The following RBFOX1 variants were observed in gnomAD, a reference collection of about 807,000 sequenced individuals.
RBFOX1 encodes RNA binding fox-1 homolog 1.
In RBFOX1, 8 loss-of-function variants were observed where a neutral mutation model predicts 57.7. The observed-to-expected ratio is 0.14, with a 90% CI of 0.08 to 0.25. RBFOX1 has a LOEUF of 0.25. Among genes scored for constraint, RBFOX1 ranks in the 10% least tolerant of loss-of-function variants. The pLI, the probability that RBFOX1 is intolerant of heterozygous loss-of-function variation, is 1.00. For missense variants in RBFOX1, 611 were observed against 548.5 expected, an observed-to-expected ratio of 1.11 and a Z score of -1.14; for synonymous variants, 326 against 222.4, an observed-to-expected ratio of 1.47 and a Z score of -4.15.
At chr16:7,540,615 C>T (rs17144027) in intron 5 of RBFOX1, among the ~76,000 whole-genome samples, 19,138 of 152,188 alleles carry the variant, frequency 0.13, 1,274 homozygotes, top group African/African-American at 0.18. Flanking sequence ...TGGTTGTTGT[C>T]ATGGACATAA....
chr16:6,201,193 TC>T (rs2097212849), intron 1 of RBFOX1, among the ~76,000 whole-genome samples: 1 of 152,192 alleles, frequency 6.6e-6, no homozygotes, highest in Admixed American at 6.5e-5. Flanking sequence ...ACAGTGGCTT[TC>T]TTCATTCCTC....
intron 1 of RBFOX1, among the ~76,000 whole-genome samples, chr16:6,291,796 C>A (rs1325183417): frequency 6.6e-6 from 1 of 152,200 alleles, no homozygotes; most frequent in African/African-American, 2.4e-5. Flanking sequence ...CCTTGAAAAT[C>A]ATCTTCTTAG....
At chr16:7,017,320 C>A (rs114064947) in intron 3 of RBFOX1, among the ~76,000 whole-genome samples, 1 of 152,102 alleles carries the variant, frequency 6.6e-6, no homozygotes, top group South Asian at 2.1e-4. Flanking sequence ...TACTATAGAT[C>A]CAGCACCTTT....
intron 1 of RBFOX1, among the ~76,000 whole-genome samples, chr16:5,433,941 G>A (rs551196603): frequency 2.0e-4 from 31 of 152,218 alleles, no homozygotes; most frequent in Admixed American, 1.0e-3. Flanking sequence ...CTGTTTCTCA[G>A]TCCAGGCTGC....
chr16:7,024,714 T>G (rs888166812), intron 3 of RBFOX1, among the ~76,000 whole-genome samples: 1 of 152,186 alleles, frequency 6.6e-6, no homozygotes, highest in Non-Finnish European at 1.5e-5. Context: ...TCCTCAGCAC[T>G]CTGTCCTGCT....
intron 4 of RBFOX1, among the ~76,000 whole-genome samples, chr16:7,448,530 T>TG (rs2098825999): frequency 6.6e-6 from 1 of 152,190 alleles, no homozygotes. Flanking sequence ...GAGAACAGCA[T>TG]GGGGAAGACC....
At chr16:6,101,782 T>C (rs1205296364) in intron 1 of RBFOX1, among the ~76,000 whole-genome samples, 1 of 152,296 alleles carries the variant, frequency 6.6e-6, no homozygotes, top group East Asian at 1.9e-4. Context: ...ATTTTTATTG[T>C]CCTGGAACAC....
At chr16:7,602,747 T>C (rs1266206521) in intron 9 of RBFOX1, among the ~76,000 whole-genome samples, 1 of 152,150 alleles carries the variant, frequency 6.6e-6, no homozygotes, top group Non-Finnish European at 1.5e-5. Flanking sequence ...ATAACAGACA[T>C]TTACAGAATA....
chr16:6,476,131 G>A (rs535945344), intron 2 of RBFOX1, among the ~76,000 whole-genome samples: 4 of 152,174 alleles, frequency 2.6e-5, no homozygotes, highest in African/African-American at 4.8e-5. Context: ...GGCCAGGGAC[G>A]CCACCCTTTT....
chr16:6,887,183 G>T (rs1181330102), intron 3 of RBFOX1, among the ~76,000 whole-genome samples: 1 of 152,134 alleles, frequency 6.6e-6, no homozygotes, highest in Non-Finnish European at 1.5e-5. Context: ...ATACTCTTTA[G>T]CACTTCTTCC....
chr16:7,129,576 A>G (rs1017577938), intron 4 of RBFOX1, among the ~76,000 whole-genome samples: 2 of 152,080 alleles, frequency 1.3e-5, no homozygotes, highest in Admixed American at 1.3e-4. Flanking sequence ...CTGGGGAAAA[A>G]AATTGAGGAA....
chr16:7,054,297 T>G (rs953392595), intron 4 of RBFOX1, among the ~76,000 whole-genome samples: 7 of 33,300 alleles, frequency 2.1e-4, no homozygotes, highest in Non-Finnish European at 6.9e-4. Context: ...TGGAGTGCCG[T>G]GGCGCAATCT....
intron 1 of RBFOX1, among the ~76,000 whole-genome samples, chr16:6,161,688 A>C (rs570214228): frequency 6.6e-6 from 1 of 152,000 alleles, no homozygotes; most frequent in Admixed American, 6.5e-5. Flanking sequence ...GATTGCTTCT[A>C]TCATGCCCAG....
At chr16:7,466,799 A>T (rs11646498) in intron 4 of RBFOX1, among the ~76,000 whole-genome samples, 1 of 152,086 alleles carries the variant, frequency 6.6e-6, no homozygotes, top group Admixed American at 6.5e-5. Flanking sequence ...TGCTCTGATT[A>T]TATACACAAT....
intron 1 of RBFOX1, among the ~76,000 whole-genome samples, chr16:5,456,157 A>G (rs966139543): frequency 6.6e-6 from 1 of 152,164 alleles, no homozygotes; most frequent in Non-Finnish European, 1.5e-5. Context: ...ATCTATAGTC[A>G]AAAAACTTAC....
chr16:6,467,669 A>C (rs1475262263), intron 2 of RBFOX1, among the ~76,000 whole-genome samples: 2 of 152,174 alleles, frequency 1.3e-5, no homozygotes, highest in Non-Finnish European at 2.9e-5. Context: ...AGTTTTTAAG[A>C]GAAAGCCCGA....
chr16:6,585,716 T>G (rs537113061), intron 2 of RBFOX1, among the ~76,000 whole-genome samples: 1 of 151,566 alleles, frequency 6.6e-6, no homozygotes, highest in East Asian at 1.9e-4. Flanking sequence ...ACCTGTTCAC[T>G]GCAGTTCAAA....
chr16:7,070,647 G>C (rs2057137986), intron 4 of RBFOX1, among the ~76,000 whole-genome samples: 1 of 152,186 alleles, frequency 6.6e-6, no homozygotes, highest in Non-Finnish European at 1.5e-5. Flanking sequence ...ATGTTCTAAT[G>C]CAGAGCCATC....
chr16:5,690,691 A>G (rs907370352), intron 3 of RBFOX1, among the ~76,000 whole-genome samples: 2 of 152,132 alleles, frequency 1.3e-5, no homozygotes, highest in Non-Finnish European at 2.9e-5. Context: ...TAAATGAGTA[A>G]TTTTCAAATG....
Sources: allele counts gnomAD v4.1 joint callset (sites outside exome capture counted in the v4.1 genomes callset), GRCh38; gene constraint gnomAD v4.1.1; transcripts MANE v1.5; gene names NCBI Gene and HGNC (gene_info 2026-07-23, HGNC 2026-07-21).